The following UBE2Z variants were observed in gnomAD, a reference collection of about 807,000 sequenced individuals.
UBE2Z encodes ubiquitin conjugating enzyme E2 Z, also known as ubiquitin-conjugating enzyme E2 Z.
UBE2Z carries 10 observed loss-of-function variants against 32.6 expected under a neutral mutation model. The ratio of observed to expected loss-of-function variants is 0.31; its 90% CI spans 0.19 to 0.52. UBE2Z has a LOEUF of 0.52. Ranked by LOEUF, UBE2Z falls within the 20% of genes least tolerant of loss-of-function variation. The probability of loss-of-function intolerance (pLI) is 0.97; values close to 1 mark genes in which losing one functional copy is unlikely to be tolerated. For synonymous variants in UBE2Z, 183 were observed against 190.8 expected, an observed-to-expected ratio of 0.96 and a Z score of 0.34; for missense variants, 343 against 480.9, an observed-to-expected ratio of 0.71 and a Z score of 2.68.
At chr17:48,924,042 A>C (rs942079719) in intron 6 of UBE2Z, among the ~76,000 whole-genome samples, 3 of 152,156 alleles carry the variant, frequency 2.0e-5, no homozygotes, top group African/African-American at 7.2e-5. Context: ...TTTTTAGTAG[A>C]GACGGGGTTT....
chr17:48,911,094 T>G, intron 2 of UBE2Z: 1 of 536,130 alleles, frequency 1.9e-6, no homozygotes, highest in South Asian at 2.5e-5. Flanking sequence ...AGGTACTGAT[T>G]GGCTTGGAAA....
intron 2 of UBE2Z, chr17:48,912,046 G>T (rs2040682363): frequency 7.3e-6 from 1 of 137,780 alleles, no homozygotes; most frequent in Non-Finnish European, 1.6e-5. Context: ...TCGTTTTCAG[G>T]ACGGCTGATT....
chr17:48,916,586 T>TTTTTGTTTTG (rs77094622), intron 4 of UBE2Z, among the ~76,000 whole-genome samples: 54,904 of 148,788 alleles, frequency 0.37, 11,910 homozygotes, highest in South Asian at 0.49. Flanking sequence ...TGGGAGGTTT[T>TTTTTGTTTTG]TTTTGTTTTG....
chr17:48,916,079 A>G lies in UBE2Z; in HGVS notation c.582A>G (p.Thr194=), dbSNP rs1010737727. Residue 194 remains threonine, a synonymous_variant, in exon 4 of 7, where the codon ACA becomes ACG. Coordinates refer to ENST00000360943, the MANE Select transcript of UBE2Z (RefSeq NM_023079.5). ...NGKVCLSILG[T]WTGPAWSPAQ... ...ATTCCTTCTGATGTGTTTACAGTAC[A>G]TGGACTGGACCTGCCTGGAGCCCAG... 3 of 1,589,196 alleles carry G rather than the reference A, an allele frequency of 1.9e-6. No individual in the cohort carries two copies. Among genetic ancestry groups the G allele is most frequent in the South Asian group, 1.2e-5 (1 of 86,530 alleles).
Position 48,908,642 on chromosome 17 carries a change from G to T in UBE2Z, c.139G>T (p.Ala47Ser). The T allele has an allele frequency of 4.1e-6, 5 of 1,223,882 alleles. No individual in the cohort carries two copies. Among genetic ancestry groups the T allele is most frequent in the Non-Finnish European group, 5.1e-6 (5 of 981,040 alleles). 75.8% of individuals were successfully genotyped at this position (1,223,882 alleles called of 1,614,324 possible). Residue 47 changes from alanine to serine, a missense_variant, in exon 1 of 7, where the codon GCG becomes TCG. Physicochemically the swap from Ala to Ser is moderately conservative, Grantham distance 99. This residue lies in a region of UBE2Z where 103 missense variants were observed against 96.2 expected (regional missense o/e 1.07). Transcript: ENST00000360943. ...FGPPFLPDVW[A>S]AAAAAGGAGG... ...GCCGCCTTTCCTGCCGGATGTGTGG[G>T]CGGCGGCGGCGGCAGCGGGCGGGGC...
At position 48,928,986 on chromosome 17, in the gene UBE2Z, CTG is replaced by C. The variant is rs2040817006; in HGVS notation, c.*1854_*1855del. ...GTCAAAGAGATGTCTTTATATCTGACTGTATATAAATGAAGTTTTTTTGTTTT... is the reference window on the plus strand; with the variant it reads ...GTCAAAGAGATGTCTTTATATCTGACTATATAAATGAAGTTTTTTTGTTTT... On this transcript the variant is annotated 3_prime_UTR_variant, in exon 7 of 7. Coordinates refer to ENST00000360943, the MANE Select transcript of UBE2Z (RefSeq NM_023079.5). 1 of 152,496 alleles carries C rather than the reference CTG, an allele frequency of 6.6e-6. No homozygotes were observed. Among genetic ancestry groups the C allele is most frequent in the African/African-American group, 2.4e-5 (1 of 41,362 alleles). 9.4% of individuals were successfully genotyped at this position (152,496 alleles called of 1,614,324 possible).
At position 48,928,251 on chromosome 17, in the gene UBE2Z, CTT is replaced by C. The variant is rs902576602; in HGVS notation, c.*1118_*1119del. 3.9e-5 allele frequency: 6 copies of C among 152,280 alleles called. No individual in the cohort carries two copies. The highest frequency in any genetic ancestry group is 9.7e-5 in the African/African-American group (4 of 41,364). The allele number at this position is 152,280 out of a possible 1,614,324, so 9.4% of individuals were successfully genotyped here. A position where few individuals can be genotyped will look rare whatever the true frequency, so the allele number is the denominator to read the frequency against. ...CGCCTCCCCCGTGCCCCCAGCTGCT[CTT>C]GTCACTGTCTCTGATGGGTATTTGC... On this transcript the variant is annotated 3_prime_UTR_variant, in exon 7 of 7. Transcript: ENST00000360943.
intron 4 of UBE2Z, among the ~76,000 whole-genome samples, chr17:48,917,745 ATG>A (rs2040730686): frequency 6.6e-6 from 1 of 152,190 alleles, no homozygotes; most frequent in Admixed American, 6.5e-5. Context: ...AAGTGAAATA[ATG>A]TTGCCTCAGA....
intron 4 of UBE2Z, among the ~76,000 whole-genome samples, chr17:48,920,869 A>G (rs1202839750): frequency 6.6e-6 from 1 of 151,790 alleles, no homozygotes; most frequent in Non-Finnish European, 1.5e-5. Flanking sequence ...TTCCCACATA[A>G]TCTTTACTTG....
At chr17:48,908,846 GC>G (rs1271697744) in intron 1 of UBE2Z, 26 bp downstream of exon 1, 4 of 1,464,000 alleles carry the variant, frequency 2.7e-6, no homozygotes, top group Middle Eastern at 2.3e-4. Flanking sequence ...TCCTCCCCCA[GC>G]CCCGAGCTCC....
chr17:48,927,202 A>G lies in UBE2Z; in HGVS notation c.*68A>G. On this transcript the variant is annotated 3_prime_UTR_variant, in exon 7 of 7. Transcript: ENST00000360943. ...AGAATCCCTTCCCCCCACCCCAGGG[A>G]TGGAGAGGCACTGTGTATCTCCCTC... is the stretch of plus-strand genomic sequence containing the variant. 6.6e-7 allele frequency: 1 copy of G among 1,524,648 alleles called. No individual in the cohort carries two copies. 94.4% of individuals were successfully genotyped at this position (1,524,648 alleles called of 1,614,324 possible).
At chr17:48,911,470 T>C (rs1325783701) in intron 2 of UBE2Z, 1 of 152,692 alleles carries the variant, frequency 6.5e-6, no homozygotes, top group African/African-American at 2.4e-5. Flanking sequence ...TACCTAGGTT[T>C]CTCTGTCACT....
chr17:48,919,631 CA>C (rs1333509277), intron 4 of UBE2Z, among the ~76,000 whole-genome samples: 1 of 152,184 alleles, frequency 6.6e-6, no homozygotes, highest in East Asian at 1.9e-4. Flanking sequence ...TGCACACCAC[CA>C]ATGCCCAGCT....
At position 48,908,794 on chromosome 17, in the gene UBE2Z, G is replaced by A. The variant is rs766694511; in HGVS notation, c.291G>A (p.Ala97=). ...LSSDWDGERT[A]PQCLLRIKRD... ...CCGACTGGGACGGCGAGCGCACCGC[G>A]CCGCAGTGTCTACTCCGGATCAAGC... The change falls in exon 1 of 7, where the codon GCG becomes GCA. Residue 97 remains alanine (A), a synonymous_variant. Transcript: ENST00000360943. 6.6e-7 allele frequency: 1 copy of A among 1,506,368 alleles called. No homozygotes were observed. The highest frequency in any genetic ancestry group is 1.2e-5 in the South Asian group (1 of 82,940). The allele number at this position is 1,506,368 out of a possible 1,614,324, so 93.3% of individuals were successfully genotyped here.
At chr17:48,913,149 TCTC>T (rs1354305554) in intron 3 of UBE2Z, 128 bp downstream of exon 3, 2 of 924,080 alleles carry the variant, frequency 2.2e-6, no homozygotes, top group African/African-American at 1.7e-5. Context: ...TCTTCTCAAA[TCTC>T]CTCAGGATGG....
chr17:48,913,585 C>G lies in UBE2Z; in HGVS notation c.578+564C>G, dbSNP rs868480634. 1.4e-4 allele frequency among the ~76,000 whole-genome samples: 22 copies of G among 152,314 alleles called. 1 individual carries two copies. The Middle Eastern group carries it at 0.024, about 166-fold the overall frequency. ...GGCCAGGATGGTCTCGATCTCTTGA[C>G]CTCATCATCCACTCACCTTGGCCTC... On this transcript the variant is annotated intron_variant, in intron 3 of 6. Coordinates refer to ENST00000360943, the MANE Select transcript of UBE2Z (RefSeq NM_023079.5).
intron 4 of UBE2Z, among the ~76,000 whole-genome samples, chr17:48,919,937 T>C (rs1394740596): frequency 6.6e-6 from 1 of 152,164 alleles, no homozygotes; most frequent in Non-Finnish European, 1.5e-5. Flanking sequence ...CCCACCATCA[T>C]TCTTTCTGTC....
chr17:48,926,872 G>C, intron 6 of UBE2Z, 92 bp from the exon 7 acceptor site: 1 of 1,395,200 alleles, frequency 7.2e-7, no homozygotes, highest in Non-Finnish European at 9.7e-7. Context: ...CTCAGAAGTT[G>C]AGCTTTCATT....
intron 5 of UBE2Z, among the ~76,000 whole-genome samples, chr17:48,922,395 AAAAAAT>A (rs1443071284): frequency 5.3e-5 from 8 of 152,192 alleles, no homozygotes; most frequent in African/African-American, 1.9e-4. Flanking sequence ...TCAAAAAAAT[AAAAAAT>A]AAATAAAATG....
Sources: allele counts gnomAD v4.1 joint callset (sites outside exome capture counted in the v4.1 genomes callset), GRCh38; gene constraint gnomAD v4.1.1; regional missense constraint gnomAD v4.1.1; transcripts MANE v1.5; gene names NCBI Gene and HGNC (gene_info 2026-07-23, HGNC 2026-07-21).